Variants in PXDN observed in about 807,000 individuals in gnomAD.
PXDN encodes the protein peroxidasin.
A neutral mutation model predicts 140.3 loss-of-function variants in PXDN; 77 were observed. The ratio of observed to expected loss-of-function variants is 0.55; its 90% CI spans 0.46 to 0.66. The LOEUF (loss-of-function observed/expected upper bound fraction) is 0.66. Ranked by LOEUF, PXDN falls within the 30% of genes least tolerant of loss-of-function variation. The probability of loss-of-function intolerance (pLI) is 0.00; values close to 1 mark genes in which losing one functional copy is unlikely to be tolerated. For synonymous variants in PXDN, 911 were observed against 857.4 expected (o/e 1.06, Z -1.09); for missense variants, 1,838 against 2,039.5 (o/e 0.90, Z 1.90).
intron 14 of PXDN, among the ~76,000 whole-genome samples, chr2:1,658,130 T>C (rs924620803): frequency 2.0e-5 from 3 of 147,850 alleles, no homozygotes; most frequent in Non-Finnish European, 3.0e-5. Context: ...TCAGTGTCTT[T>C]TTGCTCATTC....
At position 1,662,105 on chromosome 2, in the gene PXDN, C is replaced by A; in HGVS notation, c.1647G>T (p.Gln549His). Residue 549 changes from glutamine to histidine, a missense_variant, in exon 13 of 23, where the codon CAG (glutamine) becomes CAT (histidine). Transcript: ENST00000252804. ...AGGTGATGGCTGGCTCGGGCTCGCC[C>A]TGGGAGCTGCACGGGAGCTGCACAT... ...GANVQLPCSSQGEPEPAITWN... is the reference protein window; with the variant it reads ...GANVQLPCSSHGEPEPAITWN... The A allele has an allele frequency of 6.3e-7, 1 of 1,596,536 alleles. No homozygotes were observed. Among genetic ancestry groups the A allele is most frequent in the South Asian group, 1.1e-5 (1 of 87,758 alleles).
At chr2:1,726,396 G>A (rs1685184852) in intron 1 of PXDN, among the ~76,000 whole-genome samples, 1 of 147,152 alleles carries the variant, frequency 6.8e-6, no homozygotes, top group African/African-American at 2.6e-5. Flanking sequence ...CATGGACACA[G>A]GAAGGGGAAC....
chr2:1,645,566 G>A (rs1682833072), intron 17 of PXDN, among the ~76,000 whole-genome samples: 1 of 152,214 alleles, frequency 6.6e-6, no homozygotes. Flanking sequence ...GATGCACACA[G>A]GGCTGTGTCC....
At chr2:1,741,793 A>C (rs1473119274) in intron 1 of PXDN, among the ~76,000 whole-genome samples, 1 of 152,204 alleles carries the variant, frequency 6.6e-6, no homozygotes, top group Non-Finnish European at 1.5e-5. Context: ...AATAGAAAAT[A>C]ATCACATATA....
In PXDN at chr2:1,649,166, C is replaced by G; in HGVS notation, c.2614G>C (p.Gly872Arg). Residue 872 changes from glycine (G) to arginine (R), a missense_variant, in exon 17 of 23, where the codon GGG becomes CGG. Gly to Arg is a moderately radical substitution (Grantham distance 125). This residue lies in a region of PXDN where 850 missense variants were observed against 894.1 expected (regional missense o/e 0.95). Transcript: ENST00000252804. This position sits in a 1 kb window ranked among gnomAD's most constrained non-coding sequence, Gnocchi z 7.1. The stretch of plus-strand genomic sequence containing the variant: ...CGCACGAAGAACATGCAGCGGGCCC[C>G]GCTCCTGGCCCGGGAGTCATTGGGG... ...IPPNDSRARSGARCMFFVRSS... is the reference protein window; with the variant it reads ...IPPNDSRARSRARCMFFVRSS... The G allele has an allele frequency of 2.5e-6, 4 of 1,612,170 alleles. No individual in the cohort carries two copies. The highest frequency in any genetic ancestry group is 3.4e-6 in the Non-Finnish European group (4 of 1,179,662).
intron 1 of PXDN, among the ~76,000 whole-genome samples, chr2:1,694,620 C>T (rs1281489532): frequency 1.3e-5 from 2 of 152,206 alleles, no homozygotes; most frequent in African/African-American, 4.8e-5. Context: ...TCACACGCAC[C>T]CTCCCCCTGC....
At chr2:1,695,092 C>T (rs918488987) in intron 1 of PXDN, among the ~76,000 whole-genome samples, 3 of 152,218 alleles carry the variant, frequency 2.0e-5, no homozygotes, top group Non-Finnish European at 2.9e-5. Context: ...CCTCATTCCC[C>T]GTGGGAACCC....
At chr2:1,697,498 G>A (rs1405027622) in intron 1 of PXDN, among the ~76,000 whole-genome samples, 2 of 152,190 alleles carry the variant, frequency 1.3e-5, no homozygotes, top group African/African-American at 2.4e-5. Context: ...GGCAGAATAA[G>A]ACTGTGGGGA....
At chr2:1,644,230 CT>C (rs1313723500) in intron 18 of PXDN, among the ~76,000 whole-genome samples, 1 of 152,092 alleles carries the variant, frequency 6.6e-6, no homozygotes, top group African/African-American at 2.4e-5. Flanking sequence ...TGCCTTTCCA[CT>C]ACATTAAAGT....
Position 1,744,277 on chromosome 2 carries a change from A to G in PXDN, c.179T>C (p.Val60Ala). The change falls in exon 1 of 23, where the codon GTG becomes GCG. Residue 60 changes from valine (V) to alanine (A), a missense_variant. Transcript: ENST00000252804. ...MHLLLEAVPAVAPQTSILDLR... is the reference protein window; with the variant it reads ...MHLLLEAVPAAAPQTSILDLR... ...TCACAGGATGGAGGTCTGCGGCGCC[A>G]CGGCGGGCACGGCCTCCAGCAGCAG... 1 of 1,519,018 alleles carries G rather than the reference A, an allele frequency of 6.6e-7. No homozygotes were observed. Among genetic ancestry groups the G allele is most frequent in the South Asian group, 1.2e-5 (1 of 82,302 alleles). 94.1% of individuals were successfully genotyped at this position (1,519,018 alleles called of 1,614,324 possible). A position where few individuals can be genotyped will look rare whatever the true frequency, so the allele number is the denominator to read the frequency against.
In PXDN at chr2:1,648,747, G is replaced by A. The variant is rs1448505672; in HGVS notation, c.3033C>T (p.Gly1011=). 4.4e-6 allele frequency: 7 copies of A among 1,603,638 alleles called. No individual in the cohort carries two copies. The highest frequency in any genetic ancestry group is 2.3e-5 in the East Asian group (1 of 44,334). The change falls in exon 17 of 23, where the codon GGC becomes GGT. Residue 1011 remains glycine, a synonymous_variant. Coordinates refer to ENST00000252804, the MANE Select transcript of PXDN (RefSeq NM_012293.3). This position sits in a 1 kb window ranked among gnomAD's most constrained non-coding sequence, Gnocchi z 8.9. ...ELLKLNPHWD[G]DTIYYETRKI... is the part of the protein sequence containing the mutation. ...TCCTGGTCTCATAGTAGATGGTGTC[G>A]CCGTCCCAGTGCGGGTTCAGCTTGA...
intron 1 of PXDN, among the ~76,000 whole-genome samples, chr2:1,717,966 C>T (rs919394917): frequency 5.3e-5 from 8 of 151,042 alleles, no homozygotes; most frequent in Non-Finnish European, 2.9e-5. Flanking sequence ...CACTAACCGA[C>T]CACCCAAAGC....
intron 19 of PXDN, 64 bp downstream of exon 19, chr2:1,643,304 C>T: frequency 2.7e-6 from 4 of 1,509,028 alleles, no homozygotes; most frequent in Non-Finnish European, 3.7e-6. Context: ...TCATTAAGCA[C>T]CCGCCAAGCA....
intron 14 of PXDN, among the ~76,000 whole-genome samples, chr2:1,656,916 C>T (rs1414495330): frequency 2.1e-5 from 3 of 145,988 alleles, no homozygotes; most frequent in Non-Finnish European, 4.5e-5. Context: ...CTGACTGGAA[C>T]CTGTCCCCTC....
In PXDN at chr2:1,639,472, G is replaced by A. The variant is rs200902777; in HGVS notation, c.3953-50C>T. On this transcript the variant is annotated intron_variant, in intron 19 of 22. Coordinates refer to ENST00000252804, the MANE Select transcript of PXDN (RefSeq NM_012293.3). This position sits in a 1 kb window ranked among gnomAD's most constrained non-coding sequence, Gnocchi z 5.0. ...TGTCAGCTCTGAAGGCTCTGACCTC[G>A]GGGAAATTAAGCACATCCTGCCAAC... The A allele has an allele frequency of 4.8e-5, 77 of 1,608,566 alleles. No individual in the cohort carries two copies. The highest frequency in any genetic ancestry group is 3.1e-4 in the African/African-American group (23 of 74,932).
intron 1 of PXDN, among the ~76,000 whole-genome samples, chr2:1,731,143 AGC>A (rs771785733): frequency 1.7e-5 from 2 of 114,286 alleles, no homozygotes; most frequent in South Asian, 6.0e-4. Context: ...CACTGTTGAG[AGC>A]GCGCGCGCAC....
chr2:1,699,272 G>A (rs912031551), intron 1 of PXDN, among the ~76,000 whole-genome samples: 6 of 152,184 alleles, frequency 3.9e-5, no homozygotes, highest in Non-Finnish European at 8.8e-5. Flanking sequence ...CCAAAGTTAT[G>A]AATTCTAAAA....
Position 1,648,575 on chromosome 2 carries a change from C to T in PXDN, c.3205G>A (p.Ala1069Thr). The change falls in exon 17 of 23, where the codon GCC (alanine) becomes ACC (threonine). Residue 1069 changes from alanine (A) to threonine (T), a missense_variant. By Grantham distance (58) the Ala-to-Thr change is moderately conservative. Transcript: ENST00000252804. The surrounding 1 kb of genome is among the most constrained non-coding windows in gnomAD (Gnocchi z 8.9). Reference protein sequence around the residue: ...AGIFNAFATAAFRFGHTLVNP... With the variant: ...AGIFNAFATATFRFGHTLVNP... ...ACAAGCGTGTGGCCAAACCTGAAGG[C>T]CGCGGTGGCGAAGGCGTTGAAGATG... is the stretch of plus-strand genomic sequence containing the variant. 1 of 1,613,810 alleles carries T rather than the reference C, an allele frequency of 6.2e-7. No homozygotes were observed. The highest frequency in any genetic ancestry group is 1.1e-5 in the South Asian group (1 of 91,074).
intron 1 of PXDN, among the ~76,000 whole-genome samples, chr2:1,706,057 T>G (rs1684597954): frequency 6.6e-6 from 1 of 152,252 alleles, no homozygotes; most frequent in Admixed American, 6.5e-5. Flanking sequence ...CAGACCTCAG[T>G]CAGAGCGAGA....
Sources: gnomAD v4.1 joint callset for allele counts (sites outside exome capture counted in the v4.1 genomes callset) on GRCh38, gnomAD v4.1.1 for gene constraint, gnomAD v4.1.1 regional missense constraint, Gnocchi (gnomAD v3.1) non-coding constraint, MANE v1.5 for transcripts, NCBI Gene and HGNC (gene_info 2026-07-23, HGNC 2026-07-21) for gene names.